The following ZFAT variants were observed in gnomAD, a reference collection of about 807,000 sequenced individuals.
The protein encoded by ZFAT is zinc finger protein ZFAT.
Under a neutral mutation model 117.7 loss-of-function variants are expected in ZFAT, and 64 were observed. That is an observed-to-expected ratio of 0.54 (90% CI 0.44 to 0.67). ZFAT has a LOEUF of 0.67. Ranked by LOEUF, ZFAT falls within the 30% of genes least tolerant of loss-of-function variation. The pLI, the probability that ZFAT is intolerant of heterozygous loss-of-function variation, is 0.00. For missense variants in ZFAT, 1,433 were observed against 1,584.5 expected, an observed-to-expected ratio of 0.90 and a Z score of 1.62; for synonymous variants, 679 against 615.0, an observed-to-expected ratio of 1.10 and a Z score of -1.54.
At chr8:134,512,247 T>C (rs1330501144) in intron 14 of ZFAT, among the ~76,000 whole-genome samples, 1 of 152,238 alleles carries the variant, frequency 6.6e-6, no homozygotes, top group Non-Finnish European at 1.5e-5. Flanking sequence ...TGAGGGACTC[T>C]TGCGGCCCTG....
At chr8:134,790,763 G>A in the ZFAT span, among the ~76,000 whole-genome samples, 9 of 151,838 alleles carry the variant, frequency 5.9e-5, no homozygotes, top group African/African-American at 1.2e-4. Flanking sequence ...GACTGTAATC[G>A]TAACACTTTG....
chr8:134,561,853 C>T (rs1001450633), intron 11 of ZFAT, among the ~76,000 whole-genome samples: 60 of 152,278 alleles, frequency 3.9e-4, no homozygotes, highest in African/African-American at 1.4e-3. Context: ...AAATGATCTA[C>T]CACAGAGTAG....
intron 1 of ZFAT, among the ~76,000 whole-genome samples, chr8:134,697,272 C>A (rs1403626765): frequency 6.6e-6 from 1 of 152,006 alleles, no homozygotes; most frequent in Admixed American, 6.5e-5. Context: ...CGCCACCATG[C>A]CCAGCTAATT....
intron 3 of ZFAT, among the ~76,000 whole-genome samples, chr8:134,632,691 A>G (rs1829967709): frequency 6.6e-6 from 1 of 152,268 alleles, no homozygotes; most frequent in Non-Finnish European, 1.5e-5. Flanking sequence ...GTGACAATAC[A>G]GAAATTTAAA....
At chr8:134,687,672 C>T (rs1458287525) in intron 1 of ZFAT, among the ~76,000 whole-genome samples, 2 of 152,072 alleles carry the variant, frequency 1.3e-5, no homozygotes, top group Non-Finnish European at 2.9e-5. Flanking sequence ...TGCAAACTGA[C>T]GAGGTGGCCC....
At chr8:134,583,791 C>G in intron 10 of ZFAT, 41 bp downstream of exon 10, 2 of 1,602,360 alleles carry the variant, frequency 1.2e-6, no homozygotes, top group Non-Finnish European at 1.7e-6. Flanking sequence ...CTTCAAACCA[C>G]ACATTTAGAG....
intron 10 of ZFAT, among the ~76,000 whole-genome samples, chr8:134,569,335 C>G (rs1371151081): frequency 6.6e-6 from 1 of 152,010 alleles, no homozygotes; most frequent in African/African-American, 2.4e-5. Context: ...CAGATTTGGC[C>G]CTCAGTCTGT....
At chr8:134,668,670 G>T (rs954021538) in intron 1 of ZFAT, among the ~76,000 whole-genome samples, 7 of 152,210 alleles carry the variant, frequency 4.6e-5, no homozygotes, top group African/African-American at 1.7e-4. Context: ...GAGCAGAAAA[G>T]CTGAAAATTC....
the ZFAT span, among the ~76,000 whole-genome samples, chr8:134,718,870 A>C: frequency 6.6e-6 from 1 of 152,240 alleles, no homozygotes; most frequent in Non-Finnish European, 1.5e-5. Context: ...CCACGACTAG[A>C]GGGCTGGTTA....
intron 11 of ZFAT, among the ~76,000 whole-genome samples, chr8:134,563,886 AT>A (rs1824232437): frequency 6.6e-6 from 1 of 152,124 alleles, no homozygotes; most frequent in Non-Finnish European, 1.5e-5. Context: ...CAGCTGCAGG[AT>A]TTCCCAGCAG....
the ZFAT span, among the ~76,000 whole-genome samples, chr8:134,739,287 ATGTGTGTG>A: frequency 5.8e-3 from 869 of 149,880 alleles, 11 homozygotes; most frequent in African/African-American, 0.017. Context: ...GTGTGTAGAG[ATGTGTGTG>A]TGTGTGTGTG....
chr8:134,567,483 CCAT>C (rs1297407869), intron 10 of ZFAT, among the ~76,000 whole-genome samples: 12 of 151,976 alleles, frequency 7.9e-5, no homozygotes, highest in Non-Finnish European at 1.8e-4. Context: ...ATCCATCCAT[CCAT>C]CCATCCATCC....
At chr8:134,506,104 CAG>C (rs1393362506) in intron 15 of ZFAT, among the ~76,000 whole-genome samples, 2 of 152,180 alleles carry the variant, frequency 1.3e-5, no homozygotes, top group East Asian at 3.8e-4. Flanking sequence ...AATTTTGACT[CAG>C]AGATGCTCAT....
At chr8:134,734,262 C>T in the ZFAT span, among the ~76,000 whole-genome samples, 1 of 152,228 alleles carries the variant, frequency 6.6e-6, no homozygotes, top group South Asian at 2.1e-4. Context: ...TCAGGATACT[C>T]CTGCCACTTC....
chr8:134,560,649 A>C (rs1823979986), intron 11 of ZFAT, among the ~76,000 whole-genome samples: 1 of 152,220 alleles, frequency 6.6e-6, no homozygotes, highest in African/African-American at 2.4e-5. Flanking sequence ...GAAAGCAAAG[A>C]GTTGAATAGC....
chr8:134,695,124 G>A (rs1283949419), intron 1 of ZFAT, among the ~76,000 whole-genome samples: 2 of 152,178 alleles, frequency 1.3e-5, no homozygotes, highest in Non-Finnish European at 2.9e-5. Context: ...AGAGGAGGAC[G>A]AACTAACCAT....
At chr8:134,485,600 T>TG (rs556332831) in intron 15 of ZFAT, among the ~76,000 whole-genome samples, 243 of 152,218 alleles carry the variant, frequency 1.6e-3, no homozygotes, top group Non-Finnish European at 1.7e-3. Context: ...CAGTGGCCCG[T>TG]GGGGACACTT....
intron 6 of ZFAT, 97 bp downstream of exon 6, chr8:134,601,380 T>C: frequency 6.7e-7 from 1 of 1,488,428 alleles, no homozygotes; most frequent in African/African-American, 1.4e-5. Context: ...ACTTAGAAGG[T>C]ATTCTTTGCA....
intron 13 of ZFAT, among the ~76,000 whole-genome samples, chr8:134,517,198 TAC>T (rs1014318542): frequency 3.3e-5 from 5 of 152,210 alleles, no homozygotes; most frequent in Non-Finnish European, 5.9e-5. Flanking sequence ...CAATTTGATA[TAC>T]AGTTAGAATA....
Sources: gnomAD v4.1 joint callset for allele counts (sites outside exome capture counted in the v4.1 genomes callset) on GRCh38, gnomAD v4.1.1 for gene constraint, MANE v1.5 for transcripts, NCBI Gene and HGNC (gene_info 2026-07-23, HGNC 2026-07-21) for gene names.